TGFBR1: variants seen among roughly 807,000 people sequenced by gnomAD.
TGFBR1 encodes the protein TGF-beta receptor type-1.
In TGFBR1, 20 loss-of-function variants were observed where a neutral mutation model predicts 55.1. The ratio of observed to expected loss-of-function variants is 0.36; its 90% CI spans 0.26 to 0.53. The LOEUF (loss-of-function observed/expected upper bound fraction) is 0.53, where lower values mean the gene tolerates loss of function less well. Among genes scored for constraint, TGFBR1 ranks in the 20% least tolerant of loss-of-function variants. The probability of loss-of-function intolerance (pLI) is 0.91; values close to 1 mark genes in which losing one functional copy is unlikely to be tolerated. For synonymous variants in TGFBR1, 220 were observed against 214.8 expected (o/e 1.02, Z -0.21); for missense variants, 385 against 617.6 (o/e 0.62, Z 3.99).
intron 3 of TGFBR1, among the ~76,000 whole-genome samples, chr9:99,132,946 A>G (rs1827292010): frequency 6.6e-6 from 1 of 152,240 alleles, no homozygotes; most frequent in African/African-American, 2.4e-5. Context: ...TTAACTGTTA[A>G]AGCGAATCAA....
intron 1 of TGFBR1, among the ~76,000 whole-genome samples, chr9:99,110,575 A>G (rs1454663023): frequency 1.3e-5 from 2 of 152,234 alleles, no homozygotes; most frequent in Admixed American, 1.3e-4. Context: ...TCTAAACATT[A>G]TCCAAAGGTG....
Position 99,105,169 on chromosome 9 carries a change from C to G in TGFBR1, c.-37C>G, listed in dbSNP as rs1230499762. The stretch of plus-strand genomic sequence containing the variant: ...TGCTGGGGTGAGGCAGCGGCGCGGC[C>G]GGGCCGGGCCGGGCCACAGGCGGTG... On this transcript the variant is annotated 5_prime_UTR_variant, in exon 1 of 9. Coordinates refer to ENST00000374994, the MANE Select transcript of TGFBR1 (RefSeq NM_004612.4). 1.9e-6 allele frequency: 2 copies of G among 1,081,056 alleles called. No homozygotes were observed. The highest frequency in any genetic ancestry group is 1.1e-4 in the East Asian group (2 of 18,714). 67.0% of individuals were successfully genotyped at this position (1,081,056 alleles called of 1,614,324 possible). A position where few individuals can be genotyped will look rare whatever the true frequency, so the allele number is the denominator to read the frequency against.
At chr9:99,119,666 G>A (rs1018382304) in intron 1 of TGFBR1, among the ~76,000 whole-genome samples, 1 of 152,048 alleles carries the variant, frequency 6.6e-6, no homozygotes, top group African/African-American at 2.4e-5. Flanking sequence ...TATTTATTAG[G>A]GATATTACAT....
chr9:99,116,242 A>G (rs1412085564), intron 1 of TGFBR1, among the ~76,000 whole-genome samples: 1 of 151,744 alleles, frequency 6.6e-6, no homozygotes, highest in Non-Finnish European at 1.5e-5. Flanking sequence ...GTTTTGTCAG[A>G]TCCAGCCTGC....
At chr9:99,127,930 G>T (rs1318550403) in intron 1 of TGFBR1, 3 of 455,888 alleles carry the variant, frequency 6.6e-6, no homozygotes, top group African/African-American at 2.0e-5. Context: ...TGACAGAAAT[G>T]ACTAATACAG....
chr9:99,107,471 C>T (rs796074831), intron 1 of TGFBR1, among the ~76,000 whole-genome samples: 1 of 152,292 alleles, frequency 6.6e-6, no homozygotes, highest in African/African-American at 2.4e-5. Flanking sequence ...TATTTGCTTC[C>T]TTTCTGCCAT....
At chr9:99,117,896 A>C (rs1826794190) in intron 1 of TGFBR1, among the ~76,000 whole-genome samples, 1 of 152,204 alleles carries the variant, frequency 6.6e-6, no homozygotes, top group East Asian at 1.9e-4. Context: ...ATTTTATTGA[A>C]TCTACAGATC....
chr9:99,130,301 C>T (rs1247813647), intron 2 of TGFBR1, among the ~76,000 whole-genome samples: 1 of 152,188 alleles, frequency 6.6e-6, no homozygotes, highest in Non-Finnish European at 1.5e-5. Flanking sequence ...CACCTGGCTT[C>T]AGTGCTCAGA....
chr9:99,137,237 T>C (rs997713536), intron 3 of TGFBR1, among the ~76,000 whole-genome samples: 1 of 152,198 alleles, frequency 6.6e-6, no homozygotes, highest in East Asian at 1.9e-4. Context: ...TACTGACTTA[T>C]CAAAAAGCCA....
chr9:99,117,645 T>C (rs953245828), intron 1 of TGFBR1, among the ~76,000 whole-genome samples: 2 of 152,194 alleles, frequency 1.3e-5, no homozygotes, highest in African/African-American at 2.4e-5. Context: ...TCATCATAAA[T>C]CAAGAGGTTG....
intron 6 of TGFBR1, 75 bp downstream of exon 6, chr9:99,144,963 A>C: frequency 3.2e-5 from 49 of 1,524,000 alleles, no homozygotes; most frequent in African/African-American, 4.1e-5. Context: ...TATACATATC[A>C]TTGCTGAAAC....
intron 1 of TGFBR1, among the ~76,000 whole-genome samples, chr9:99,121,664 CA>C (rs1826902597): frequency 6.6e-6 from 1 of 152,120 alleles, no homozygotes; most frequent in East Asian, 1.9e-4. Flanking sequence ...TGTAGTGAAG[CA>C]AACTGCATAA....
At chr9:99,141,052 C>T (rs556784192) in intron 4 of TGFBR1, among the ~76,000 whole-genome samples, 21 of 152,288 alleles carry the variant, frequency 1.4e-4, no homozygotes, top group Non-Finnish European at 2.1e-4. Context: ...ATTCCACCCC[C>T]GGCAGCCCTT....
At chr9:99,113,641 A>G (rs1826648741) in intron 1 of TGFBR1, among the ~76,000 whole-genome samples, 1 of 152,218 alleles carries the variant, frequency 6.6e-6, no homozygotes, top group Non-Finnish European at 1.5e-5. Context: ...AGTGTACAGT[A>G]GTATTTACAC....
Position 99,150,413 on chromosome 9 carries a change from ATTT to A in TGFBR1, c.*1112_*1114del, listed in dbSNP as rs1827949017. On this transcript the variant is annotated 3_prime_UTR_variant, in exon 9 of 9. Transcript: ENST00000374994. ...TTTTTCTTTATCTGTTCAAAGACTT[ATTT>A]TTTAAGACATGAATTACATTTAAAA... 1 of 210,534 alleles carries A rather than the reference ATTT, an allele frequency of 4.7e-6. No homozygotes were observed. Among genetic ancestry groups the A allele is most frequent in the Non-Finnish European group, 9.7e-6 (1 of 103,466 alleles). The allele number at this position is 210,534 out of a possible 1,614,324, so 13.0% of individuals were successfully genotyped here. A position where few individuals can be genotyped will look rare whatever the true frequency, so the allele number is the denominator to read the frequency against.
In TGFBR1 at chr9:99,150,045, AT is replaced by A. The variant is rs974811017; in HGVS notation, c.*741del. On this transcript the variant is annotated 3_prime_UTR_variant, in exon 9 of 9. Transcript: ENST00000374994. ...GTGTTTGAATTCAAAAAGCTTATTTATCTGGGTAACCCAAACTTTTTCTGTT... is the reference window on the plus strand; with the variant it reads ...GTGTTTGAATTCAAAAAGCTTATTTACTGGGTAACCCAAACTTTTTCTGTT... 7 of 188,110 alleles carry A rather than the reference AT, an allele frequency of 3.7e-5. No individual in the cohort carries two copies. Among genetic ancestry groups the A allele is most frequent in the African/African-American group, 1.6e-4 (7 of 42,832 alleles). The allele number at this position is 188,110 out of a possible 1,614,324, so 11.7% of individuals were successfully genotyped here. A position where few individuals can be genotyped will look rare whatever the true frequency, so the allele number is the denominator to read the frequency against.
chr9:99,134,799 CCATT>C (rs1288029596), intron 3 of TGFBR1, among the ~76,000 whole-genome samples: 5 of 69,742 alleles, frequency 7.2e-5, no homozygotes, highest in African/African-American at 1.1e-4. Flanking sequence ...AATTCTGTTT[CCATT>C]ATATATATAT....
chr9:99,126,082 A>G (rs1306224487), intron 1 of TGFBR1, among the ~76,000 whole-genome samples: 1 of 152,210 alleles, frequency 6.6e-6, no homozygotes. Context: ...CATAATGGCA[A>G]AGATCCTGTT....
In TGFBR1 at chr9:99,151,519, C is replaced by T. The variant is rs1340402586; in HGVS notation, c.*2214C>T. On this transcript the variant is annotated 3_prime_UTR_variant, in exon 9 of 9. Transcript: ENST00000374994. ...TTTTTATATAATTTTAAGAATATAC[C>T]AAAAGTTGTCTGATTTAAAGTTGTA... 1 of 226,130 alleles carries T rather than the reference C, an allele frequency of 4.4e-6. No homozygotes were observed. Among genetic ancestry groups the T allele is most frequent in the Non-Finnish European group, 8.8e-6 (1 of 113,824 alleles). The allele number at this position is 226,130 out of a possible 1,614,324, so 14.0% of individuals were successfully genotyped here.
Sources: allele counts gnomAD v4.1 joint callset (sites outside exome capture counted in the v4.1 genomes callset), GRCh38; gene constraint gnomAD v4.1.1; transcripts MANE v1.5; gene names NCBI Gene and HGNC (gene_info 2026-07-23, HGNC 2026-07-21).